RARB: variants seen among roughly 807,000 people sequenced by gnomAD.
The protein encoded by RARB is retinoic acid receptor beta, also known as HBV-activated protein.
A neutral mutation model predicts 51.9 loss-of-function variants in RARB; 17 were observed. The ratio of observed to expected loss-of-function variants is 0.33; its 90% CI spans 0.22 to 0.49. RARB has a LOEUF of 0.49. Among genes scored for constraint, RARB ranks in the 20% least tolerant of loss-of-function variants. The probability of loss-of-function intolerance (pLI) is 0.99; values close to 1 mark genes in which losing one functional copy is unlikely to be tolerated. For missense variants in RARB, 369 were observed against 550.8 expected (o/e 0.67, Z 3.30); for synonymous variants, 215 against 195.4 (o/e 1.10, Z -0.84).
intron 5 of RARB, among the ~76,000 whole-genome samples, chr3:25,206,862 G>A (rs1251345692): frequency 6.6e-6 from 1 of 152,136 alleles, no homozygotes; most frequent in Admixed American, 6.5e-5. Flanking sequence ...GACTACCTGA[G>A]TGCTAGAATC....
intron 5 of RARB, among the ~76,000 whole-genome samples, chr3:25,353,584 A>ATTTTTT (rs3035062): frequency 2.1e-5 from 3 of 144,914 alleles, no homozygotes; most frequent in Non-Finnish European, 4.6e-5. Flanking sequence ...TGCTGCTGAG[A>ATTTTTT]TTTTTTTTTT....
rs374648852 is a variant in RARB at position 24,999,626 on chromosome 3, C to T, written c.-379-60499C>T. Among the ~76,000 whole-genome samples the T allele has an allele frequency of 2.8e-4, 42 of 152,278 alleles. No individual in the cohort carries two copies. The South Asian group carries it at 8.1e-3, about 29-fold the overall frequency. ...CTGCAGTGCCCAAATTCAAGACCAACAAGAAAATGGCACAATGAGGATGCT... is the reference window on the plus strand; with the variant it reads ...CTGCAGTGCCCAAATTCAAGACCAATAAGAAAATGGCACAATGAGGATGCT... On this transcript the variant is annotated intron_variant, in intron 2 of 11. Coordinates refer to the RARB transcript ENST00000383772.
At chr3:25,357,740 T>C (rs1237230358) in intron 5 of RARB, among the ~76,000 whole-genome samples, 1 of 152,222 alleles carries the variant, frequency 6.6e-6, no homozygotes, top group African/African-American at 2.4e-5. Flanking sequence ...GGCTAGCCAG[T>C]TTTCCCAACA....
chr3:25,481,869 G>A (rs745634852), intron 2 of RARB, among the ~76,000 whole-genome samples: 33 of 152,288 alleles, frequency 2.2e-4, no homozygotes, highest in Non-Finnish European at 2.6e-4. Context: ...CTTATGCTCT[G>A]CCAGGTACTG....
At chr3:25,205,973 C>T (rs908930188) in intron 5 of RARB, among the ~76,000 whole-genome samples, 2 of 152,122 alleles carry the variant, frequency 1.3e-5, no homozygotes, top group African/African-American at 4.8e-5. Context: ...TGATTTGGCC[C>T]AACTGTAGTC....
chr3:25,049,386 A>G (rs1002026316), intron 2 of RARB, among the ~76,000 whole-genome samples: 8 of 152,236 alleles, frequency 5.3e-5, no homozygotes, highest in Non-Finnish European at 8.8e-5. Flanking sequence ...TTAGGGTTCT[A>G]GGAATTTCAG....
At chr3:24,939,708 C>T (rs927912638) in intron 2 of RARB, among the ~76,000 whole-genome samples, 19 of 152,124 alleles carry the variant, frequency 1.2e-4, no homozygotes, top group East Asian at 9.6e-4. Context: ...AAAACCATCA[C>T]GCTGATGAGC....
chr3:25,122,326 T>C (rs912317522), intron 3 of RARB, among the ~76,000 whole-genome samples: 1 of 152,046 alleles, frequency 6.6e-6, no homozygotes, highest in Non-Finnish European at 1.5e-5. Flanking sequence ...TCTCAATTTC[T>C]GTTATTGTTT....
chr3:25,329,404 A>G (rs9848967), intron 5 of RARB, among the ~76,000 whole-genome samples: 30,137 of 152,124 alleles, frequency 0.2, 3,211 homozygotes, highest in African/African-American at 0.27. Context: ...AGGGTCTGGA[A>G]TGGACCTCCA....
chr3:25,258,811 G>A (rs1016813040), intron 5 of RARB, among the ~76,000 whole-genome samples: 6 of 152,036 alleles, frequency 3.9e-5, no homozygotes, highest in South Asian at 2.1e-4. Flanking sequence ...AAACAGGAGC[G>A]GCAGCCTCAC....
chr3:25,327,106 A>G (rs1239866473), intron 5 of RARB, among the ~76,000 whole-genome samples: 1 of 152,134 alleles, frequency 6.6e-6, no homozygotes, highest in Admixed American at 6.6e-5. Flanking sequence ...TTTTAGACAC[A>G]GGGATTATAA....
chr3:25,134,371 T>C (rs922646537), intron 4 of RARB, among the ~76,000 whole-genome samples: 2 of 151,974 alleles, frequency 1.3e-5, no homozygotes, highest in Non-Finnish European at 2.9e-5. Context: ...TGGGTTTCCA[T>C]CTAGGTTTTG....
chr3:25,173,209 A>G (rs1042712786), intron 4 of RARB, among the ~76,000 whole-genome samples: 4 of 152,204 alleles, frequency 2.6e-5, no homozygotes, highest in African/African-American at 9.7e-5. Context: ...CTAGGTGTTG[A>G]GCATCTCTGG....
chr3:25,553,960 C>T (rs537051119), intron 3 of RARB, among the ~76,000 whole-genome samples: 1 of 152,038 alleles, frequency 6.6e-6, no homozygotes, highest in South Asian at 2.1e-4. Context: ...CCCACTCCCC[C>T]TCCCCAACTA....
chr3:25,154,739 A>G lies in RARB; in HGVS notation c.-279-19380A>G, dbSNP rs139118255. 3.8e-3 allele frequency among the ~76,000 whole-genome samples: 576 copies of G among 152,214 alleles called. 7 individuals are homozygous for G. The highest frequency in any genetic ancestry group is 0.013 in the African/African-American group (554 of 41,522). ...CCAGCTCAGAGTTTACATTTTCTAT[A>G]TTTTGTGCAGAAGGCCCTTGCCCAG... On this transcript the variant is annotated intron_variant, in intron 4 of 11. Coordinates refer to the RARB transcript ENST00000383772.
chr3:25,298,213 C>T (rs1282192978), intron 5 of RARB, among the ~76,000 whole-genome samples: 4 of 147,866 alleles, frequency 2.7e-5, no homozygotes, highest in Non-Finnish European at 5.9e-5. Flanking sequence ...GACGGAATCT[C>T]GCTCTGTCAC....
At chr3:25,265,751 C>T (rs1164392848) in intron 5 of RARB, among the ~76,000 whole-genome samples, 6 of 152,172 alleles carry the variant, frequency 3.9e-5, no homozygotes, top group South Asian at 4.1e-4. Context: ...GGGTTACAGC[C>T]GTGAACCACC....
chr3:25,510,121 A>AATCAT (rs1168639619), intron 3 of RARB, among the ~76,000 whole-genome samples: 1 of 152,190 alleles, frequency 6.6e-6, no homozygotes, highest in Non-Finnish European at 1.5e-5. Context: ...ATAGGACAGG[A>AATCAT]ATCATATTCT....
rs1696878737 is a variant in RARB, at chr3:24,990,096, G to A, written c.-379-70029G>A. Among the ~76,000 whole-genome samples the A allele has an allele frequency of 2.2e-5, 2 of 92,444 alleles. 1 individual carries two copies. The highest frequency in any genetic ancestry group is 9.0e-4 in the South Asian group (2 of 2,212). The allele number at this position is 92,444 out of a possible 152,430, so 60.6% of individuals were successfully genotyped here. On this transcript the variant is annotated intron_variant, in intron 2 of 11. Coordinates refer to the RARB transcript ENST00000383772. ...TTACAGGCGTGAGCCACCGCGCCCT[G>A]CCTTTCTTTTTAATATAATGGAACT...
Sources: gnomAD v4.1 joint callset for allele counts (sites outside exome capture counted in the v4.1 genomes callset) on GRCh38, gnomAD v4.1.1 for gene constraint, MANE v1.5 for transcripts, NCBI Gene and HGNC (gene_info 2026-07-23, HGNC 2026-07-21) for gene names.